TMEM255B: variants seen among roughly 807,000 people sequenced by gnomAD.
The protein encoded by TMEM255B is transmembrane protein 255B.
TMEM255B carries 35 observed loss-of-function variants against 34.5 expected under a neutral mutation model. That is an observed-to-expected ratio of 1.01 (90% confidence interval 0.77 to 1.34). The LOEUF (loss-of-function observed/expected upper bound fraction) is 1.34, where lower values mean the gene tolerates loss of function less well. TMEM255B is among the 40% of genes most tolerant of loss of function. The pLI is 0.00. For synonymous variants in TMEM255B, 206 were observed against 201.2 expected (o/e 1.02, Z -0.20); for missense variants, 432 against 433.2 (o/e 1.00, Z 0.02).
At chr13:113,792,451 C>A (rs1340145193) in intron 3 of TMEM255B, among the ~76,000 whole-genome samples, 1 of 152,250 alleles carries the variant, frequency 6.6e-6, no homozygotes, top group Non-Finnish European at 1.5e-5. Context: ...GACGTGCAGC[C>A]CCCAGCACCT....
At chr13:113,765,594 A>T (rs2050375692) in intron 1 of TMEM255B, among the ~76,000 whole-genome samples, 1 of 152,158 alleles carries the variant, frequency 6.6e-6, no homozygotes, top group Non-Finnish European at 1.5e-5. Context: ...GATCAAGATG[A>T]TTCAGTTTTC....
chr13:113,775,106 AACAC>A (rs1265808243), intron 3 of TMEM255B, among the ~76,000 whole-genome samples: 3 of 150,296 alleles, frequency 2.0e-5, no homozygotes, highest in African/African-American at 7.4e-5. Flanking sequence ...CACAGCACAC[AACAC>A]ACACTCCACA....
chr13:113,768,235 T>C, intron 2 of TMEM255B: 1 of 470,098 alleles, frequency 2.1e-6, no homozygotes, highest in Non-Finnish European at 4.4e-6. Context: ...CGTTGGCAGG[T>C]CCATGTTGGC....
At chr13:113,766,925 T>G (rs548416682) in intron 2 of TMEM255B, among the ~76,000 whole-genome samples, 32 of 152,328 alleles carry the variant, frequency 2.1e-4, no homozygotes, top group Non-Finnish European at 3.8e-4. Flanking sequence ...TTTTTTGAAC[T>G]ATGAAATTAC....
intron 3 of TMEM255B, among the ~76,000 whole-genome samples, chr13:113,774,552 C>CCA (rs1040088275): frequency 3.4e-5 from 5 of 147,332 alleles, no homozygotes; most frequent in Non-Finnish European, 6.0e-5. Context: ...ATGCCACACA[C>CCA]CACACACACA....
intron 4 of TMEM255B, among the ~76,000 whole-genome samples, chr13:113,798,434 T>C (rs1039526267): frequency 3.4e-5 from 5 of 146,194 alleles, no homozygotes; most frequent in African/African-American, 1.3e-4. Flanking sequence ...AATGGATGGG[T>C]GGATGTGGAT....
intron 5 of TMEM255B, chr13:113,800,037 A>C (rs1358799289): frequency 1.9e-5 from 23 of 1,210,880 alleles, no homozygotes; most frequent in Middle Eastern, 3.7e-4. Context: ...CTTGTCTGGG[A>C]CTCTCCAGCA....
At chr13:113,805,071 A>T (rs2051145379) in intron 8 of TMEM255B, 43 bp downstream of exon 8, 1 of 1,549,508 alleles carries the variant, frequency 6.5e-7, no homozygotes, top group Non-Finnish European at 8.7e-7. Context: ...CGCTGGTCAC[A>T]GGCAGTGGGA....
intron 4 of TMEM255B, among the ~76,000 whole-genome samples, chr13:113,796,704 G>A (rs1461529458): frequency 2.0e-5 from 3 of 152,256 alleles, no homozygotes; most frequent in Non-Finnish European, 2.9e-5. Flanking sequence ...GCTCCTGGGT[G>A]GGCTCTCGCC....
intron 3 of TMEM255B, among the ~76,000 whole-genome samples, chr13:113,784,440 G>A (rs1253656759): frequency 1.3e-5 from 2 of 152,150 alleles, no homozygotes; most frequent in Non-Finnish European, 2.9e-5. Flanking sequence ...CTGGATTTGT[G>A]TCTGGTGTTG....
chr13:113,796,659 G>A (rs1183158430), intron 4 of TMEM255B, among the ~76,000 whole-genome samples: 1 of 152,128 alleles, frequency 6.6e-6, no homozygotes, highest in Non-Finnish European at 1.5e-5. Flanking sequence ...CTCAGCCTCC[G>A]GTGGGCTGCG....
intron 3 of TMEM255B, among the ~76,000 whole-genome samples, chr13:113,792,961 G>A (rs141263269): frequency 4.3e-4 from 66 of 152,368 alleles, no homozygotes; most frequent in African/African-American, 1.5e-3. Flanking sequence ...CCGTGGGGAC[G>A]CTGGAGCGTC....
chr13:113,761,733 A>C (rs1378247440), intron 1 of TMEM255B, among the ~76,000 whole-genome samples: 3 of 152,232 alleles, frequency 2.0e-5, no homozygotes, highest in Admixed American at 6.5e-5. Flanking sequence ...CTGGACGCTT[A>C]TCACAATCTC....
chr13:113,766,987 T>C (rs1375558217), intron 2 of TMEM255B, among the ~76,000 whole-genome samples: 1 of 152,238 alleles, frequency 6.6e-6, no homozygotes, highest in Non-Finnish European at 1.5e-5. Context: ...TTCTGCACAG[T>C]GAACCTCTGT....
In TMEM255B at chr13:113,774,631, CCACACACCACACACACTATACACAA is replaced by C. The variant is rs1336872094; in HGVS notation, c.252+5485_252+5509del. ...CACCACACAATACACACCACATATA[CCACACACCACACACACTATACACAA>C]CACACACCACACATATGACACACAC... On this transcript the variant is annotated intron_variant, in intron 3 of 8. Coordinates refer to ENST00000375353, the MANE Select transcript of TMEM255B (RefSeq NM_182614.4). Among the ~76,000 whole-genome samples, 29 of 142,642 alleles carry C rather than the reference CCACACACCACACACACTATACACAA, an allele frequency of 2.0e-4. 1 individual carries two copies. In the South Asian group the frequency reaches 2.7e-3, roughly 13 times the overall value. The allele number at this position is 142,642 out of a possible 152,430, so 93.6% of individuals were successfully genotyped here. A position where few individuals can be genotyped will look rare whatever the true frequency, so the allele number is the denominator to read the frequency against.
intron 7 of TMEM255B, among the ~76,000 whole-genome samples, chr13:113,804,637 C>T (rs1334577432): frequency 4.9e-4 from 69 of 139,762 alleles, no homozygotes; most frequent in African/African-American, 1.7e-3. Context: ...TGGGTATAAA[C>T]GCACGCCGGG....
At chr13:113,807,792 G>A (rs1303490230) in intron 8 of TMEM255B, among the ~76,000 whole-genome samples, 4 of 133,450 alleles carry the variant, frequency 3.0e-5, no homozygotes, top group South Asian at 2.6e-4. Context: ...TGTGGGGGGC[G>A]GTCCTCCCTA....
intron 3 of TMEM255B, among the ~76,000 whole-genome samples, chr13:113,791,060 G>A (rs1265270265): frequency 5.3e-5 from 8 of 152,198 alleles, no homozygotes; most frequent in Admixed American, 5.2e-4. Flanking sequence ...AATTTTTAGG[G>A]ATGCTCTAAC....
chr13:113,778,512 A>G (rs2050616122), intron 3 of TMEM255B, among the ~76,000 whole-genome samples: 5 of 147,138 alleles, frequency 3.4e-5, no homozygotes, highest in Admixed American at 2.0e-4. Context: ...CACCTGTGGT[A>G]CTGTGGCGTC....
Sources: gnomAD v4.1 joint callset for allele counts (sites outside exome capture counted in the v4.1 genomes callset) on GRCh38, gnomAD v4.1.1 for gene constraint, MANE v1.5 for transcripts, NCBI Gene and HGNC (gene_info 2026-07-23, HGNC 2026-07-21) for gene names.